SPMIP4: variants seen among roughly 807,000 people sequenced by gnomAD.
The protein encoded by SPMIP4 is sperm microtubule inner protein 4.
chr7:25,175,268 T>C, the SPMIP4 span, among the ~76,000 whole-genome samples: 2 of 152,136 alleles, frequency 1.3e-5, no homozygotes, highest in African/African-American at 2.4e-5. Context: ...TTATTTTGTT[T>C]TGATTTTTGA....
the SPMIP4 span, among the ~76,000 whole-genome samples, chr7:25,132,069 T>A: frequency 6.6e-6 from 1 of 152,008 alleles, no homozygotes; most frequent in Admixed American, 6.6e-5. The surrounding 1 kb of genome is among the most constrained non-coding windows in gnomAD (Gnocchi z 5.0). Context: ...TGAAAACAGA[T>A]CTCCCATACA....
chr7:25,161,119 T>C, the SPMIP4 span: 2 of 882,684 alleles, frequency 2.3e-6, no homozygotes, highest in Non-Finnish European at 3.4e-6. Flanking sequence ...GCTTTAAAAA[T>C]GTCTCATATA....
At chr7:25,166,228 G>A in the SPMIP4 span, among the ~76,000 whole-genome samples, 1,896 of 75,844 alleles carry the variant, frequency 0.025, 58 homozygotes, top group African/African-American at 0.06. Flanking sequence ...CTTTCTTTCC[G>A]TCTTCTTTTT....
the SPMIP4 span, chr7:25,134,557 C>T: frequency 8.5e-6 from 4 of 471,320 alleles, no homozygotes; most frequent in Non-Finnish European, 1.1e-5. Context: ...GCTGTGCCAC[C>T]CTTGCATGGA....
the SPMIP4 span, among the ~76,000 whole-genome samples, chr7:25,134,259 T>A: frequency 0.012 from 1,790 of 144,162 alleles, 30 homozygotes; most frequent in African/African-American, 0.044. Flanking sequence ...GACTCTGACT[T>A]AAACAAAAAC....
the SPMIP4 span, among the ~76,000 whole-genome samples, chr7:25,128,044 CT>C: frequency 6.6e-6 from 1 of 152,246 alleles, no homozygotes; most frequent in Non-Finnish European, 1.5e-5. This position sits in a 1 kb window ranked among gnomAD's most constrained non-coding sequence, Gnocchi z 4.5. Flanking sequence ...TCTTATCTTA[CT>C]TTCACCCAAA....
chr7:25,133,341 GCA>G, the SPMIP4 span, among the ~76,000 whole-genome samples: 4 of 152,166 alleles, frequency 2.6e-5, no homozygotes, highest in Admixed American at 6.5e-5. Context: ...CTTAGAATTA[GCA>G]CAGTTTTGTA....
the SPMIP4 span, among the ~76,000 whole-genome samples, chr7:25,141,574 GAAAAAAAA>G: frequency 1.1e-5 from 1 of 94,938 alleles, no homozygotes; most frequent in Non-Finnish European, 2.0e-5. Flanking sequence ...CTGTCTCAAG[GAAAAAAAA>G]AAAAAAAAAA....
At chr7:25,142,298 A>G in the SPMIP4 span, 7 of 1,613,230 alleles carry the variant, frequency 4.3e-6, no homozygotes, top group Non-Finnish European at 5.9e-6. Flanking sequence ...TTTCATGGTA[A>G]TCATCCAGTT....
At chr7:25,129,008 T>C in the SPMIP4 span, among the ~76,000 whole-genome samples, 22 of 152,346 alleles carry the variant, frequency 1.4e-4, 1 homozygote, top group South Asian at 4.6e-3. Flanking sequence ...GTATTCAAGT[T>C]GTAAGACAAT....
At chr7:25,179,294 G>A in the SPMIP4 span, 6 of 1,611,250 alleles carry the variant, frequency 3.7e-6, no homozygotes, top group East Asian at 2.2e-5. Context: ...AGGGCCTGCC[G>A]TGAATGACTT....
chr7:25,130,128 A>G, the SPMIP4 span, among the ~76,000 whole-genome samples: 1 of 151,890 alleles, frequency 6.6e-6, no homozygotes, highest in African/African-American at 2.4e-5. Context: ...AATCCCAGCT[A>G]CTTGGGAGGC....
chr7:25,163,608 G>A, the SPMIP4 span, among the ~76,000 whole-genome samples: 1 of 152,178 alleles, frequency 6.6e-6, no homozygotes, highest in Non-Finnish European at 1.5e-5. The surrounding 1 kb of genome is among the most constrained non-coding windows in gnomAD (Gnocchi z 4.4). Flanking sequence ...TATGGACTCA[G>A]TGACATGAAC....
chr7:25,161,307 CA>C, the SPMIP4 span: 1 of 1,067,050 alleles, frequency 9.4e-7, no homozygotes, highest in South Asian at 1.6e-5. Flanking sequence ...AAAATTAACA[CA>C]ATATAATGGT....
the SPMIP4 span, among the ~76,000 whole-genome samples, chr7:25,127,792 T>A: frequency 3.3e-5 from 5 of 152,264 alleles, no homozygotes; most frequent in African/African-American, 1.2e-4. Flanking sequence ...GTATTTATTA[T>A]TGTCTTCACA....
At chr7:25,156,978 C>T in the SPMIP4 span, among the ~76,000 whole-genome samples, 9 of 151,932 alleles carry the variant, frequency 5.9e-5, no homozygotes, top group Admixed American at 3.3e-4. Flanking sequence ...TGAGCCACTG[C>T]GCCCGGCCAC....
At chr7:25,140,454 A>T in the SPMIP4 span, among the ~76,000 whole-genome samples, 1 of 152,118 alleles carries the variant, frequency 6.6e-6, no homozygotes, top group Admixed American at 6.5e-5. Context: ...GGCATGTGCC[A>T]CCATGCCCGG....
chr7:25,141,080 A>G, the SPMIP4 span, among the ~76,000 whole-genome samples: 6 of 152,168 alleles, frequency 3.9e-5, no homozygotes, highest in South Asian at 2.1e-4. Flanking sequence ...ACATAATTAA[A>G]CCAACAGATT....
At chr7:25,142,949 C>G in the SPMIP4 span, 2 of 539,910 alleles carry the variant, frequency 3.7e-6, no homozygotes, top group Non-Finnish European at 6.3e-6. Context: ...TCATTAATTA[C>G]TAGTTAATTA....
Sources: gnomAD v4.1 joint callset for allele counts (sites outside exome capture counted in the v4.1 genomes callset) on GRCh38, gnomAD v4.1.1 for gene constraint, Gnocchi (gnomAD v3.1) non-coding constraint, MANE v1.5 for transcripts, NCBI Gene and HGNC (gene_info 2026-07-23, HGNC 2026-07-21) for gene names.